POFUT3: variants seen among roughly 807,000 people sequenced by gnomAD.
POFUT3 encodes protein O-fucosyltransferase 3, also known as GDP-fucose protein O-fucosyltransferase 3.
At chr8:33,309,515 A>G in the POFUT3 span, among the ~76,000 whole-genome samples, 2 of 151,982 alleles carry the variant, frequency 1.3e-5, no homozygotes, top group Non-Finnish European at 2.9e-5. Context: ...TCAGGATTTA[A>G]GAACCCTGAA....
At chr8:33,318,923 C>T in the POFUT3 span, among the ~76,000 whole-genome samples, 2 of 24,278 alleles carry the variant, frequency 8.2e-5, no homozygotes, top group African/African-American at 6.8e-4. Flanking sequence ...TTATATAATA[C>T]ATAAATATAT....
At chr8:33,403,541 C>A in the POFUT3 span, among the ~76,000 whole-genome samples, 71 of 151,850 alleles carry the variant, frequency 4.7e-4, 1 homozygote, top group South Asian at 2.1e-4. Context: ...CAGAGTGAGA[C>A]CCTGTCTCTA....
the POFUT3 span, among the ~76,000 whole-genome samples, chr8:33,420,553 C>T: frequency 6.6e-6 from 1 of 152,136 alleles, no homozygotes; most frequent in South Asian, 2.1e-4. Context: ...TCAATTATAA[C>T]ATCTCATTGT....
the POFUT3 span, among the ~76,000 whole-genome samples, chr8:33,431,284 C>T: frequency 4.0e-4 from 60 of 151,736 alleles, no homozygotes; most frequent in Non-Finnish European, 5.3e-4. Context: ...CGGTGGCTCA[C>T]ACCTGTAATC....
chr8:33,320,664 A>T, the POFUT3 span, among the ~76,000 whole-genome samples: 1 of 152,108 alleles, frequency 6.6e-6, no homozygotes, highest in Non-Finnish European at 1.5e-5. Context: ...CGATTAAGAT[A>T]GTGCACTTAT....
At chr8:33,424,071 G>A in the POFUT3 span, among the ~76,000 whole-genome samples, 11,873 of 151,582 alleles carry the variant, frequency 0.078, 724 homozygotes, top group African/African-American at 0.16. Flanking sequence ...CCCAGGAGGC[G>A]GAGGTTGCAG....
At chr8:33,409,356 G>C in the POFUT3 span, among the ~76,000 whole-genome samples, 2 of 152,106 alleles carry the variant, frequency 1.3e-5, no homozygotes, top group Non-Finnish European at 2.9e-5. Flanking sequence ...ACCCGCCTTG[G>C]CCTCCCAAAG....
At chr8:33,421,166 T>C in the POFUT3 span, among the ~76,000 whole-genome samples, 1 of 152,118 alleles carries the variant, frequency 6.6e-6, no homozygotes, top group Non-Finnish European at 1.5e-5. Flanking sequence ...TATGATGACA[T>C]ATAATTTGAA....
chr8:33,431,547 C>CAAAAAAAAAAAAAAAAAAAAAAAAAA, the POFUT3 span, among the ~76,000 whole-genome samples: 4 of 35,038 alleles, frequency 1.1e-4, 1 homozygote, highest in Non-Finnish European at 1.8e-4. Context: ...GACCCTGTCT[C>CAAAAAAAAAAAAAAAAAAAAAAAAAA]AAAAAAAAAA....
chr8:33,397,000 T>A, the POFUT3 span, among the ~76,000 whole-genome samples: 1 of 152,234 alleles, frequency 6.6e-6, no homozygotes, highest in South Asian at 2.1e-4. Flanking sequence ...AAAATATGAC[T>A]ATTGTAGGAA....
At chr8:33,421,397 T>G in the POFUT3 span, among the ~76,000 whole-genome samples, 1 of 152,186 alleles carries the variant, frequency 6.6e-6, no homozygotes, top group African/African-American at 2.4e-5. Flanking sequence ...TTCTTGGATC[T>G]TCCATCTCCT....
the POFUT3 span, chr8:33,461,780 G>T: frequency 3.1e-6 from 2 of 637,508 alleles, no homozygotes; most frequent in Non-Finnish European, 4.7e-6. Flanking sequence ...ATATAGTCTT[G>T]CAGCAGGGTG....
chr8:33,345,247 G>T, the POFUT3 span, among the ~76,000 whole-genome samples: 1 of 152,042 alleles, frequency 6.6e-6, no homozygotes, highest in Non-Finnish European at 1.5e-5. Flanking sequence ...GAAAAAAAGA[G>T]CAATGCTACT....
the POFUT3 span, among the ~76,000 whole-genome samples, chr8:33,332,265 T>C: frequency 2.7e-5 from 4 of 149,346 alleles, no homozygotes; most frequent in African/African-American, 4.9e-5. Context: ...GGGCAGATTA[T>C]TTGAGATCAG....
chr8:33,337,664 A>G, the POFUT3 span, among the ~76,000 whole-genome samples: 1 of 152,138 alleles, frequency 6.6e-6, no homozygotes, highest in Non-Finnish European at 1.5e-5. Flanking sequence ...AAAGAGTACT[A>G]TGAACAATTG....
the POFUT3 span, among the ~76,000 whole-genome samples, chr8:33,412,154 C>T: frequency 3.3e-5 from 5 of 152,112 alleles, no homozygotes; most frequent in African/African-American, 9.7e-5. Flanking sequence ...AGAACTGGGA[C>T]GGAAAATCCT....
At chr8:33,411,378 G>A in the POFUT3 span, among the ~76,000 whole-genome samples, 4 of 152,226 alleles carry the variant, frequency 2.6e-5, no homozygotes, top group African/African-American at 9.6e-5. Flanking sequence ...TGCTGAAAAG[G>A]ATGTGCTGGT....
the POFUT3 span, among the ~76,000 whole-genome samples, chr8:33,403,254 T>A: frequency 6.8e-6 from 1 of 146,860 alleles, no homozygotes; most frequent in East Asian, 2.1e-4. Context: ...TATGTGTGCA[T>A]GTTTGTATGG....
chr8:33,315,860 C>A, the POFUT3 span, among the ~76,000 whole-genome samples: 1 of 152,104 alleles, frequency 6.6e-6, no homozygotes, highest in South Asian at 2.1e-4. Flanking sequence ...CATGACGGAT[C>A]ATTTAAATCC....
Sources: allele counts gnomAD v4.1 joint callset (sites outside exome capture counted in the v4.1 genomes callset), GRCh38; gene constraint gnomAD v4.1.1; transcripts MANE v1.5; gene names NCBI Gene and HGNC (gene_info 2026-07-23, HGNC 2026-07-21).